Variants in ARHGAP42 observed in about 807,000 individuals in gnomAD.
ARHGAP42 encodes the protein Rho GTPase activating protein 42.
In ARHGAP42, 63 loss-of-function variants were observed where a neutral mutation model predicts 125.0. That is an observed-to-expected ratio of 0.50 (90% CI 0.41 to 0.62). The LOEUF is 0.62. Among genes scored for constraint, ARHGAP42 ranks in the 20% least tolerant of loss-of-function variants. The pLI is 0.00. For synonymous variants in ARHGAP42, 339 were observed against 351.0 expected, an observed-to-expected ratio of 0.97 and a Z score of 0.38; for missense variants, 766 against 1,024.2, an observed-to-expected ratio of 0.75 and a Z score of 3.44.
intron 3 of ARHGAP42, among the ~76,000 whole-genome samples, chr11:100,858,089 GT>G (rs1865363442): frequency 9.5e-6 from 1 of 105,070 alleles, no homozygotes; most frequent in Non-Finnish European, 2.0e-5. Context: ...GGATAGGGGT[GT>G]GTGTGTGTGT....
At chr11:100,746,176 A>C (rs939118931) in intron 1 of ARHGAP42, among the ~76,000 whole-genome samples, 2 of 151,898 alleles carry the variant, frequency 1.3e-5, no homozygotes, top group Admixed American at 6.6e-5. Context: ...TGACTGATTG[A>C]TAAGCTCTTG....
intron 5 of ARHGAP42, among the ~76,000 whole-genome samples, chr11:100,915,476 A>C (rs11224512): frequency 0.23 from 34,402 of 152,122 alleles, 4,519 homozygotes; most frequent in Middle Eastern, 0.36. Context: ...AAAGAACTTC[A>C]GGCTCCAATA....
At chr11:100,803,972 A>AT in intron 3 of ARHGAP42, among the ~76,000 whole-genome samples, 1 of 152,072 alleles carries the variant, frequency 6.6e-6, no homozygotes, top group East Asian at 1.9e-4. Context: ...TAAGTTACAA[A>AT]TTTTGCTTTA....
At chr11:100,787,817 A>C (rs1863471810) in intron 2 of ARHGAP42, among the ~76,000 whole-genome samples, 1 of 152,234 alleles carries the variant, frequency 6.6e-6, no homozygotes, top group African/African-American at 2.4e-5. Flanking sequence ...AAGGGAAAGC[A>C]TAAAGAAATC....
At chr11:100,977,664 T>C (rs1422981019) in intron 21 of ARHGAP42, among the ~76,000 whole-genome samples, 1 of 152,238 alleles carries the variant, frequency 6.6e-6, no homozygotes, top group Non-Finnish European at 1.5e-5. Flanking sequence ...TAATGCTCTC[T>C]GAGCCATTAC....
At chr11:100,823,857 G>T (rs938447742) in intron 3 of ARHGAP42, among the ~76,000 whole-genome samples, 1 of 152,066 alleles carries the variant, frequency 6.6e-6, no homozygotes, top group Non-Finnish European at 1.5e-5. Context: ...TGAAAACAAG[G>T]CATTGCCTCT....
At chr11:100,700,185 G>A (rs1861372820) in intron 1 of ARHGAP42, among the ~76,000 whole-genome samples, 1 of 152,176 alleles carries the variant, frequency 6.6e-6, no homozygotes, top group African/African-American at 2.4e-5. Context: ...ATGTGCAATA[G>A]CATTGTGTTT....
At chr11:100,701,790 G>T (rs1044854645) in intron 1 of ARHGAP42, among the ~76,000 whole-genome samples, 5 of 152,058 alleles carry the variant, frequency 3.3e-5, no homozygotes, top group Admixed American at 1.3e-4. Flanking sequence ...AGGCTGTTTT[G>T]CTTTCTTATC....
At chr11:100,946,589 A>C (rs1868025320) in intron 10 of ARHGAP42, among the ~76,000 whole-genome samples, 1 of 152,010 alleles carries the variant, frequency 6.6e-6, no homozygotes, top group South Asian at 2.1e-4. Flanking sequence ...TATCTCAGGG[A>C]ATAGGGAAGC....
chr11:100,777,538 C>T (rs958868860), intron 2 of ARHGAP42, among the ~76,000 whole-genome samples: 1 of 152,142 alleles, frequency 6.6e-6, no homozygotes, highest in Non-Finnish European at 1.5e-5. Context: ...ATATTTGATT[C>T]TGTTTCCCAA....
intron 17 of ARHGAP42, among the ~76,000 whole-genome samples, chr11:100,968,943 TG>T (rs35853656): frequency 0.88 from 133,258 of 152,002 alleles, 58,494 homozygotes; most frequent in East Asian, 1. Flanking sequence ...TTTGTTTTTT[TG>T]TGTGTGTTTG....
intron 1 of ARHGAP42, among the ~76,000 whole-genome samples, chr11:100,725,081 T>A (rs1861831211): frequency 6.6e-6 from 1 of 152,156 alleles, no homozygotes; most frequent in Non-Finnish European, 1.5e-5. Context: ...TATGTCCTTT[T>A]GAAGTAAGTT....
In ARHGAP42 at chr11:100,792,454, T is replaced by C. The variant is rs142852211; in HGVS notation, c.251-2651T>C. 3.0e-3 allele frequency among the ~76,000 whole-genome samples: 461 copies of C among 152,356 alleles called. 2 individuals are homozygous for C. Among genetic ancestry groups the C allele is most frequent in the Admixed American group, 4.9e-3 (75 of 15,300 alleles). On this transcript the variant is annotated intron_variant, in intron 2 of 23. Coordinates refer to ENST00000298815, the MANE Select transcript of ARHGAP42 (RefSeq NM_152432.4). ...AAGACTATGTTGAACTTTTAGTCATTTCTTGTAATTTTTTCAAGACCGTGA... is the reference window on the plus strand; with the variant it reads ...AAGACTATGTTGAACTTTTAGTCATCTCTTGTAATTTTTTCAAGACCGTGA...
At chr11:100,708,586 C>T (rs1205264320) in intron 1 of ARHGAP42, among the ~76,000 whole-genome samples, 1 of 152,018 alleles carries the variant, frequency 6.6e-6, no homozygotes, top group Non-Finnish European at 1.5e-5. Context: ...TATAATGACA[C>T]TAGTTTTTAA....
rs1213204729 is a variant in ARHGAP42, at chr11:100,976,211, T to C, written c.2010T>C (p.Ser670=). 4.9e-5 allele frequency: 76 copies of C among 1,551,594 alleles called. 1 individual carries two copies. In the East Asian group the frequency reaches 1.8e-3, roughly 37 times the overall value. Residue 670 remains serine, a synonymous_variant, in exon 20 of 24, where the codon TCT becomes TCC. Coordinates refer to ENST00000298815, the MANE Select transcript of ARHGAP42 (RefSeq NM_152432.4). The part of the protein sequence containing the change: ...GGIPWIATPS[S]SNGQKSLGLW... Reference sequence around the variant, plus strand: ...TTCCTTGGATTGCAACCCCATCATCTTCCAATGGACAGAAAAGCCTTGGTC... The same window carrying C: ...TTCCTTGGATTGCAACCCCATCATCCTCCAATGGACAGAAAAGCCTTGGTC...
intron 4 of ARHGAP42, among the ~76,000 whole-genome samples, chr11:100,886,289 T>C (rs2135184598): frequency 6.6e-6 from 1 of 152,334 alleles, no homozygotes; most frequent in East Asian, 1.9e-4. Context: ...TGTTTGAATC[T>C]AAACGTGTAG....
intron 3 of ARHGAP42, among the ~76,000 whole-genome samples, chr11:100,849,312 A>G (rs912030022): frequency 2.0e-5 from 3 of 152,196 alleles, no homozygotes; most frequent in African/African-American, 4.8e-5. Context: ...TGACAGCTGT[A>G]CAGTGTGGAA....
chr11:100,704,629 A>T (rs1349825975), intron 1 of ARHGAP42, among the ~76,000 whole-genome samples: 1 of 151,348 alleles, frequency 6.6e-6, no homozygotes, highest in Non-Finnish European at 1.5e-5. Context: ...GGATGAAACA[A>T]GGATGCAGAA....
chr11:100,886,209 C>T (rs894203824), intron 4 of ARHGAP42, among the ~76,000 whole-genome samples: 1 of 152,126 alleles, frequency 6.6e-6, no homozygotes, highest in African/African-American at 2.4e-5. Flanking sequence ...TTTGTGAAAT[C>T]TGAAGTATTA....
Sources: gnomAD v4.1 joint callset for allele counts (sites outside exome capture counted in the v4.1 genomes callset) on GRCh38, gnomAD v4.1.1 for gene constraint, MANE v1.5 for transcripts, NCBI Gene and HGNC (gene_info 2026-07-23, HGNC 2026-07-21) for gene names.